The following PI16 variants were observed in gnomAD, a reference collection of about 807,000 sequenced individuals.
PI16 encodes peptidase inhibitor 16.
A neutral mutation model predicts 38.0 loss-of-function variants in PI16; 35 were observed. The observed-to-expected ratio is 0.92, with a 90% CI of 0.70 to 1.22. The LOEUF (loss-of-function observed/expected upper bound fraction) is 1.22, where lower values mean the gene tolerates loss of function less well. Ranked by LOEUF, PI16 falls within the 50% of genes most tolerant of loss-of-function variation. The pLI, the probability that PI16 is intolerant of heterozygous loss-of-function variation, is 0.00. For missense variants in PI16, 572 were observed against 593.8 expected (o/e 0.96, Z 0.38); for synonymous variants, 275 against 252.9 (o/e 1.09, Z -0.83).
At chr6:36,957,947 A>G (rs939660002) in intron 1 of PI16, among the ~76,000 whole-genome samples, 9 of 152,142 alleles carry the variant, frequency 5.9e-5, no homozygotes, top group Non-Finnish European at 4.4e-5. Flanking sequence ...TCCCACTCCC[A>G]GTCTCCCACT....
chr6:36,955,255 T>G (rs1763172590), intron 1 of PI16, among the ~76,000 whole-genome samples: 1 of 152,116 alleles, frequency 6.6e-6, no homozygotes, highest in South Asian at 2.1e-4. Flanking sequence ...GGCTTCCCAC[T>G]CCAATGAGCT....
intron 5 of PI16, 81 bp from the exon 6 acceptor site, chr6:36,963,742 C>T (rs2150740676): frequency 3.9e-6 from 6 of 1,532,426 alleles, no homozygotes; most frequent in Admixed American, 4.1e-5. Flanking sequence ...GGCTGCTGCC[C>T]CACCTCCTTG....
Position 36,959,352 on chromosome 6 carries a change from G to T in PI16, c.379G>T (p.Gly127Cys). The change falls in exon 2 of 7, where the codon GGC (glycine) becomes TGC (cysteine). Residue 127 changes from glycine (G) to cysteine (C), a missense_variant. Physicochemically the swap from Gly to Cys is radical, Grantham distance 159. Coordinates refer to ENST00000373674, the MANE Select transcript of PI16 (RefSeq NM_153370.3). Reference protein sequence around the residue: ...AATCSPGQMCGHYTQVVWAKT... With the variant: ...AATCSPGQMCCHYTQVVWAKT... ...CACCTGCAGCCCAGGCCAGATGTGC[G>T]GCCACTACACGCAGGTGTGGGCCCG... 1 of 1,559,094 alleles carries T rather than the reference G, an allele frequency of 6.4e-7. No individual in the cohort carries two copies. Among genetic ancestry groups the T allele is most frequent in the Non-Finnish European group, 8.7e-7 (1 of 1,152,164 alleles).
At chr6:36,961,260 T>C (rs913183910) in intron 2 of PI16, among the ~76,000 whole-genome samples, 191 bp from the exon 3 acceptor site, 1 of 152,202 alleles carries the variant, frequency 6.6e-6, no homozygotes, top group African/African-American at 2.4e-5. Context: ...AGTAGACTGT[T>C]AGGGACAAAC....
chr6:36,949,295 T>C (rs1055357880), intron 1 of PI16, among the ~76,000 whole-genome samples: 4 of 152,142 alleles, frequency 2.6e-5, no homozygotes, highest in Admixed American at 2.0e-4. Context: ...CTAATTTTTG[T>C]ATTTTTTGTG....
chr6:36,963,103 C>T lies in PI16; in HGVS notation c.761C>T (p.Thr254Ile), dbSNP rs1763416850. The part of the protein sequence containing the change: ...LVTEVSGSLA[T>I]KALPAVETQA... ...ACAGAGGTCTCAGGCTCCCTGGCAA[C>T]CAAGGCTCTGCCTGCTGTGGAAACC... Residue 254 changes from threonine (T) to isoleucine (I), a missense_variant, in exon 5 of 7, where the codon ACC becomes ATC. Transcript: ENST00000373674. The T allele has an allele frequency of 6.2e-7, 1 of 1,614,118 alleles. No individual in the cohort carries two copies. Among genetic ancestry groups the T allele is most frequent in the Non-Finnish European group, 8.5e-7 (1 of 1,180,050 alleles).
Position 36,963,023 on chromosome 6 carries a change from T to G in PI16, c.681T>G (p.Ser227=). 1.2e-6 allele frequency: 2 copies of G among 1,614,220 alleles called. No individual in the cohort carries two copies. The highest frequency in any genetic ancestry group is 2.2e-5 in the South Asian group (2 of 91,088). Residue 227 remains serine (S), a synonymous_variant, in exon 5 of 7, where the codon TCT becomes TCG. Coordinates refer to ENST00000373674, the MANE Select transcript of PI16 (RefSeq NM_153370.3). ...TCCGGGCGACTGAAGCATCAGACTC[T>G]AGGAAAATGGGTACTCCTTCTTCCC... ...PSFRATEASD[S]RKMGTPSSLA...
upstream of PI16, among the ~76,000 whole-genome samples, chr6:36,953,193 G>C (rs1036747405): frequency 6.6e-6 from 1 of 151,936 alleles, no homozygotes; most frequent in African/African-American, 2.4e-5. Flanking sequence ...AGCAGCTATG[G>C]TGGGCAGCAT....
intron 1 of PI16, among the ~76,000 whole-genome samples, chr6:36,949,733 A>G (rs1763069974): frequency 6.6e-6 from 1 of 151,950 alleles, no homozygotes; most frequent in African/African-American, 2.4e-5. Context: ...TTGCATATTC[A>G]TTGTAAATAC....
chr6:36,964,154 G>T (rs1158625471), intron 6 of PI16, among the ~76,000 whole-genome samples, 192 bp downstream of exon 6: 1 of 152,212 alleles, frequency 6.6e-6, no homozygotes, highest in African/African-American at 2.4e-5. Context: ...CCCTGGCACT[G>T]CCCCAGGAGT....
intron 2 of PI16, among the ~76,000 whole-genome samples, chr6:36,960,917 A>G (rs1376186211): frequency 6.6e-6 from 1 of 152,094 alleles, no homozygotes; most frequent in African/African-American, 2.4e-5. Context: ...TTTCTGTTTG[A>G]TAAAGATAGA....
intron 1 of PI16, among the ~76,000 whole-genome samples, chr6:36,949,399 G>A (rs1402509256): frequency 6.6e-6 from 1 of 152,154 alleles, no homozygotes; most frequent in African/African-American, 2.4e-5. Context: ...TAGGATTACA[G>A]GCTTGAGCCA....
At chr6:36,954,085 C>T (rs950014044), upstream of PI16, among the ~76,000 whole-genome samples, 18 of 152,234 alleles carry the variant, frequency 1.2e-4, no homozygotes, top group African/African-American at 3.9e-4. Flanking sequence ...TGGTAGCCTG[C>T]TAAGGCCCAG....
chr6:36,949,207 C>T (rs1307146314), intron 1 of PI16, among the ~76,000 whole-genome samples: 1 of 152,084 alleles, frequency 6.6e-6, no homozygotes, highest in African/African-American at 2.4e-5. Flanking sequence ...CTGCAACCTC[C>T]GCCTCCCGGG....
At position 36,963,039 on chromosome 6, in the gene PI16, CCTT is replaced by C. The variant is rs747267930; in HGVS notation, c.702_704del (p.Ser235del). ...ATCAGACTCTAGGAAAATGGGTACT[CCTT>C]CTTCCCTAGCAACGGGGATTCCGGC... On this transcript the variant is annotated inframe_deletion, in exon 5 of 7. Coordinates refer to ENST00000373674, the MANE Select transcript of PI16 (RefSeq NM_153370.3). The C allele has an allele frequency of 1.1e-5, 17 of 1,614,114 alleles. No individual in the cohort carries two copies. The highest frequency in any genetic ancestry group is 1.6e-4 in the Middle Eastern group (1 of 6,084).
At chr6:36,959,417 G>A in intron 2 of PI16, 51 bp downstream of exon 2, 2 of 1,497,238 alleles carry the variant, frequency 1.3e-6, no homozygotes, top group Non-Finnish European at 1.8e-6. Context: ...GTGGGGGTGG[G>A]GCCACGTGCT....
At position 36,954,746 on chromosome 6, in the gene PI16, A is replaced by C; in HGVS notation, c.-15A>C. 6.2e-7 allele frequency: 1 copy of C among 1,604,974 alleles called. No individual in the cohort carries two copies. Among genetic ancestry groups the C allele is most frequent in the Non-Finnish European group, 8.5e-7 (1 of 1,174,758 alleles). ...CCAGACCCCTGGACGGGAGAAGGAG[A>C]GACGGCTGGCCACCATGCACGGCTC... On this transcript the variant is annotated 5_prime_UTR_variant, in exon 1 of 7. Transcript: ENST00000373674.
chr6:36,950,530 ATTTG>A (rs1424705503), upstream of PI16, among the ~76,000 whole-genome samples: 1 of 149,832 alleles, frequency 6.7e-6, no homozygotes, highest in Non-Finnish European at 1.5e-5. This position sits in a 1 kb window ranked among gnomAD's most constrained non-coding sequence, Gnocchi z 4.2. Flanking sequence ...GTACAAATAT[ATTTG>A]TTTGAGTCCC....
Position 36,963,231 on chromosome 6 carries a change from C to G in PI16, c.889C>G (p.Leu297Val). The change falls in exon 5 of 7, where the codon CTG becomes GTG. Residue 297 changes from leucine (L) to valine (V), a missense_variant. Transcript: ENST00000373674. ...EVPSILAAHS[L>V]PSLDEEPVTF... The stretch of plus-strand genomic sequence containing the variant: ...CCCTTCCATTTTGGCAGCTCACAGC[C>G]TGCCCTCCTTGGATGAGGAGCCAGT... 6.2e-7 allele frequency: 1 copy of G among 1,614,244 alleles called. No homozygotes were observed. Among genetic ancestry groups the G allele is most frequent in the Non-Finnish European group, 8.5e-7 (1 of 1,180,040 alleles).
Sources: allele counts gnomAD v4.1 joint callset (sites outside exome capture counted in the v4.1 genomes callset), GRCh38; gene constraint gnomAD v4.1.1; non-coding constraint Gnocchi (gnomAD v3.1); transcripts MANE v1.5; gene names NCBI Gene and HGNC (gene_info 2026-07-23, HGNC 2026-07-21).